The following TTC39C variants were observed in gnomAD, a reference collection of about 807,000 sequenced individuals.
The protein encoded by TTC39C is tetratricopeptide repeat domain 39C.
Under a neutral mutation model 76.3 loss-of-function variants are expected in TTC39C, and 33 were observed. The ratio of observed to expected loss-of-function variants is 0.43; its 90% CI spans 0.33 to 0.58. The LOEUF is 0.58. TTC39C is among the 20% of genes least tolerant of loss of function. The pLI, the probability that TTC39C is intolerant of heterozygous loss-of-function variation, is 0.04. For synonymous variants in TTC39C, 254 were observed against 260.6 expected, an observed-to-expected ratio of 0.97 and a Z score of 0.24; for missense variants, 595 against 701.4, an observed-to-expected ratio of 0.85 and a Z score of 1.71.
intron 1 of TTC39C, among the ~76,000 whole-genome samples, chr18:24,056,663 A>T (rs1568421444): frequency 3.9e-5 from 6 of 152,136 alleles, no homozygotes. Flanking sequence ...CAGAATGAGG[A>T]TCAGTTGCTT....
chr18:24,029,599 C>T (rs2083643074), intron 1 of TTC39C, among the ~76,000 whole-genome samples: 1 of 152,070 alleles, frequency 6.6e-6, no homozygotes, highest in African/African-American at 2.4e-5. Flanking sequence ...TTTTGGTGTA[C>T]CTATCACCCA....
Position 24,072,574 on chromosome 18 carries a change from G to A in TTC39C, c.460+3303G>A, listed in dbSNP as rs532321986. Among the ~76,000 whole-genome samples, 6 of 152,310 alleles carry A rather than the reference G, an allele frequency of 3.9e-5. No homozygotes were observed. In the South Asian group the frequency reaches 1.2e-3, roughly 32 times the overall value. Reference sequence around the variant, plus strand: ...GGTCTCCCAAAGTGCTGGGATTGCAGGCATGGGCCACCGTGCCCGGTCAAT... The same window carrying A: ...GGTCTCCCAAAGTGCTGGGATTGCAAGCATGGGCCACCGTGCCCGGTCAAT... On this transcript the variant is annotated intron_variant, in intron 4 of 13. Coordinates refer to ENST00000317571, the MANE Select transcript of TTC39C (RefSeq NM_001135993.2).
At position 24,131,883 on chromosome 18, in the gene TTC39C, C is replaced by T; in HGVS notation, c.1625C>T (p.Thr542Ile). 1 of 1,611,950 alleles carries T rather than the reference C, an allele frequency of 6.2e-7. No individual in the cohort carries two copies. Among genetic ancestry groups the T allele is most frequent in the African/African-American group, 1.3e-5 (1 of 74,866 alleles). ...TGGGATAATGTGTTTTTCTTATAGACTGTAGGAAGAGGCAGAGCTCTACTT... is the reference window on the plus strand; with the variant it reads ...TGGGATAATGTGTTTTTCTTATAGATTGTAGGAAGAGGCAGAGCTCTACTT... ...LGCLLLDKPE[T>I]VGRGRALLLQ... Residue 542 changes from threonine to isoleucine, a missense_variant and splice_region_variant, in exon 13 of 14, where the codon ACT (threonine) becomes ATT (isoleucine). Coordinates refer to ENST00000317571, the MANE Select transcript of TTC39C (RefSeq NM_001135993.2).
intron 1 of TTC39C, chr18:24,000,540 T>C (rs1335919602): frequency 6.6e-6 from 1 of 152,184 alleles, no homozygotes; most frequent in Non-Finnish European, 1.5e-5. Context: ...TACTTTTTAA[T>C]AGCAGCCCCA....
intron 1 of TTC39C, among the ~76,000 whole-genome samples, chr18:24,054,766 CATCTT>C (rs1287259277): frequency 6.6e-6 from 1 of 152,076 alleles, no homozygotes; most frequent in Non-Finnish European, 1.5e-5. Context: ...CAAAATGTGT[CATCTT>C]ATCCATTTTT....
chr18:24,068,829 T>A (rs1425207715), intron 3 of TTC39C, among the ~76,000 whole-genome samples: 1 of 152,210 alleles, frequency 6.6e-6, no homozygotes, highest in Non-Finnish European at 1.5e-5. Context: ...ATGATTTTTA[T>A]TCTGGATAAG....
intron 1 of TTC39C, among the ~76,000 whole-genome samples, chr18:24,055,397 A>G (rs2084002879): frequency 6.6e-6 from 1 of 151,978 alleles, no homozygotes; most frequent in African/African-American, 2.4e-5. Flanking sequence ...TCTAACACTT[A>G]TTTTGTTTTA....
chr18:24,029,814 TA>T (rs1321434194), intron 1 of TTC39C, among the ~76,000 whole-genome samples: 2 of 152,250 alleles, frequency 1.3e-5, no homozygotes, highest in Non-Finnish European at 2.9e-5. Context: ...TTATCCAGGT[TA>T]CTGTGAATGT....
chr18:24,119,971 C>CG (rs958183568), intron 8 of TTC39C, among the ~76,000 whole-genome samples: 2 of 151,214 alleles, frequency 1.3e-5, no homozygotes, highest in Admixed American at 6.6e-5. Context: ...ATTCCCCCCC[C>CG]CCAATATTTG....
chr18:24,024,006 A>ATTTTTTTTTTT, intron 1 of TTC39C, among the ~76,000 whole-genome samples: 1 of 5,786 alleles, frequency 1.7e-4, no homozygotes, highest in African/African-American at 5.7e-4. Flanking sequence ...ATATATATAT[A>ATTTTTTTTTTT]TATATATATA....
chr18:24,025,993 G>A (rs190094649), intron 1 of TTC39C, among the ~76,000 whole-genome samples: 118 of 152,262 alleles, frequency 7.7e-4, no homozygotes, highest in Admixed American at 1.3e-3. Context: ...CTAGTGTTGG[G>A]CTCCCTGGGT....
At chr18:23,998,312 C>A (rs554281824) in intron 1 of TTC39C, among the ~76,000 whole-genome samples, 5 of 152,192 alleles carry the variant, frequency 3.3e-5, no homozygotes, top group Admixed American at 1.3e-4. Context: ...TTTAGAAGAC[C>A]TACTGGAACC....
Position 24,117,547 on chromosome 18 carries a change from C to A in TTC39C, c.1079-578C>A, listed in dbSNP as rs918322905. Among the ~76,000 whole-genome samples the A allele has an allele frequency of 3.3e-5, 5 of 151,886 alleles. No homozygotes were observed. The South Asian group carries it at 1.0e-3, about 32-fold the overall frequency. On this transcript the variant is annotated intron_variant, in intron 7 of 13. Transcript: ENST00000317571. ...CGAAACCCCATCTCTACTAAAAATACAAAAATCAGCTGGGCATGGTGGTGG... is the reference window on the plus strand; with the variant it reads ...CGAAACCCCATCTCTACTAAAAATAAAAAAATCAGCTGGGCATGGTGGTGG...
At chr18:24,081,206 T>C (rs2084371544) in intron 5 of TTC39C, among the ~76,000 whole-genome samples, 1 of 152,210 alleles carries the variant, frequency 6.6e-6, no homozygotes, top group African/African-American at 2.4e-5. Flanking sequence ...TAAGCAGTTT[T>C]TGTGACTTTG....
chr18:24,118,682 T>C (rs1377097852), intron 8 of TTC39C, among the ~76,000 whole-genome samples: 1 of 151,872 alleles, frequency 6.6e-6, no homozygotes, highest in Non-Finnish European at 1.5e-5. Flanking sequence ...AGTCTGGGTC[T>C]TGCTCTTTTT....
chr18:24,127,762 C>G (rs1011085040), intron 10 of TTC39C, among the ~76,000 whole-genome samples: 1 of 152,210 alleles, frequency 6.6e-6, no homozygotes, highest in African/African-American at 2.4e-5. Context: ...GTGATCCTCC[C>G]GCTTTGGTCT....
intron 1 of TTC39C, among the ~76,000 whole-genome samples, chr18:24,042,733 T>C (rs910199705): frequency 6.4e-4 from 98 of 152,170 alleles, no homozygotes; most frequent in African/African-American, 2.3e-3. Flanking sequence ...TAGTTTTCTG[T>C]CCTGTGTATG....
At chr18:24,060,726 C>G (rs943308753) in intron 1 of TTC39C, among the ~76,000 whole-genome samples, 1 of 152,156 alleles carries the variant, frequency 6.6e-6, no homozygotes, top group African/African-American at 2.4e-5. Context: ...GTCCTGGGTC[C>G]CAACAAACAC....
chr18:24,131,933 A>T lies in TTC39C; in HGVS notation c.1662+13A>T. The T allele has an allele frequency of 6.2e-7, 1 of 1,612,208 alleles. No homozygotes were observed. The highest frequency in any genetic ancestry group is 8.5e-7 in the Non-Finnish European group (1 of 1,178,970). On this transcript the variant is annotated intron_variant, in intron 13 of 13. Coordinates refer to ENST00000317571, the MANE Select transcript of TTC39C (RefSeq NM_001135993.2). ...TCTTCAAGCAAAGGTAAATATCCTG[A>T]ATCTACCTTTCTCCAGTGGCCCTTC...
Sources: allele counts gnomAD v4.1 joint callset (sites outside exome capture counted in the v4.1 genomes callset), GRCh38; gene constraint gnomAD v4.1.1; transcripts MANE v1.5; gene names NCBI Gene and HGNC (gene_info 2026-07-23, HGNC 2026-07-21).